UNC80: variants seen among roughly 807,000 people sequenced by gnomAD.
UNC80 encodes the protein unc-80 subunit of NALCN channel complex, also known as protein unc-80 homolog.
A neutral mutation model predicts 384.6 loss-of-function variants in UNC80; 164 were observed. That is an observed-to-expected ratio of 0.43 (90% CI 0.38 to 0.49). The LOEUF (loss-of-function observed/expected upper bound fraction) is 0.49, where lower values mean the gene tolerates loss of function less well. Among genes scored for constraint, UNC80 ranks in the 20% least tolerant of loss-of-function variants. UNC80 has a pLI of 0.00. For missense variants in UNC80, 3,330 were observed against 4,143.0 expected (o/e 0.80, Z 5.39); for synonymous variants, 1,486 against 1,527.8 (o/e 0.97, Z 0.64).
chr2:209,866,713 C>A (rs969184348), intron 22 of UNC80, among the ~76,000 whole-genome samples: 1 of 152,118 alleles, frequency 6.6e-6, no homozygotes, highest in African/African-American at 2.4e-5. Flanking sequence ...TGTAAAAATT[C>A]TATTTAAATT....
chr2:209,939,538 C>T lies in UNC80; in HGVS notation c.6532C>T (p.Pro2178Ser). 3 of 1,551,540 alleles carry T rather than the reference C, an allele frequency of 1.9e-6. No individual in the cohort carries two copies. The highest frequency in any genetic ancestry group is 2.6e-6 in the Non-Finnish European group (3 of 1,146,896). ...LFLISLTQKI[P>S]TAHKQSHVSM... ...TCTCATCTCCCTAACCCAGAAGATC[C>T]CCACAGCCCACAAACAGTCCCACGT... Residue 2178 changes from proline (P) to serine (S), a missense_variant, in exon 43 of 65, where the codon CCC becomes TCC. Pro to Ser is a moderately conservative substitution (Grantham distance 74, BLOSUM62 -1). Transcript: ENST00000673920.
At chr2:209,892,385 G>C (rs1004679827) in intron 26 of UNC80, among the ~76,000 whole-genome samples, 2 of 152,152 alleles carry the variant, frequency 1.3e-5, no homozygotes, top group African/African-American at 4.8e-5. Context: ...CTAAAATTCA[G>C]TGCTGCACAA....
At chr2:209,800,909 T>C (rs1471608723) in intron 7 of UNC80, among the ~76,000 whole-genome samples, 2 of 152,328 alleles carry the variant, frequency 1.3e-5, no homozygotes, top group East Asian at 3.9e-4. Flanking sequence ...TACACTGTGG[T>C]CTGTGAGACT....
At chr2:209,819,362 A>G (rs2079978473) in intron 12 of UNC80, 101 bp downstream of exon 12, 2 of 1,274,252 alleles carry the variant, frequency 1.6e-6, no homozygotes, top group South Asian at 3.3e-5. Flanking sequence ...TCTTAGAAAT[A>G]TCAAACCTTG....
intron 59 of UNC80, 58 bp from the exon 60 acceptor site, chr2:209,982,121 G>A: frequency 2.7e-6 from 4 of 1,507,128 alleles, no homozygotes; most frequent in South Asian, 2.6e-5. Context: ...AGCTTTGGTT[G>A]GGTTTTTCTG....
chr2:209,938,030 A>G (rs961566692), intron 42 of UNC80, among the ~76,000 whole-genome samples: 6 of 151,870 alleles, frequency 4.0e-5, no homozygotes, highest in African/African-American at 1.2e-4. Context: ...TCACTCTAGT[A>G]TGCTTGAAAA....
At chr2:209,911,085 C>T (rs1382489796) in intron 29 of UNC80, among the ~76,000 whole-genome samples, 1 of 152,040 alleles carries the variant, frequency 6.6e-6, no homozygotes, top group Non-Finnish European at 1.5e-5. Context: ...CCTTGGGAAA[C>T]TTACAATCAT....
At chr2:209,801,147 T>C (rs1479523724) in intron 7 of UNC80, among the ~76,000 whole-genome samples, 1 of 152,062 alleles carries the variant, frequency 6.6e-6, no homozygotes, top group East Asian at 1.9e-4. Context: ...AATACTGACA[T>C]TGGGGTGTTA....
intron 16 of UNC80, 41 bp from the exon 17 acceptor site, chr2:209,833,961 G>A: frequency 5.2e-6 from 8 of 1,542,590 alleles, no homozygotes; most frequent in Non-Finnish European, 6.1e-6. Context: ...TAATCACACA[G>A]CTATCTTTCT....
chr2:209,935,151 G>T (rs2091160315), intron 39 of UNC80, among the ~76,000 whole-genome samples: 1 of 152,182 alleles, frequency 6.6e-6, no homozygotes, highest in African/African-American at 2.4e-5. Flanking sequence ...AAACAGGGAT[G>T]TACTACTTGT....
At chr2:209,936,406 G>A (rs375954917) in intron 40 of UNC80, among the ~76,000 whole-genome samples, 259 of 152,288 alleles carry the variant, frequency 1.7e-3, no homozygotes, top group African/African-American at 6.0e-3. Context: ...CACAGTGCAT[G>A]ATAGTTTATA....
chr2:209,900,726 A>G (rs1453573951), intron 28 of UNC80, among the ~76,000 whole-genome samples: 1 of 152,248 alleles, frequency 6.6e-6, no homozygotes, highest in African/African-American at 2.4e-5. Context: ...TTGTACCAAA[A>G]AGCCAAGTTG....
rs2093475733 is a variant in UNC80 at position 209,995,856 on chromosome 2, T to A, written c.*261T>A. 1 of 401,550 alleles carries A rather than the reference T, an allele frequency of 2.5e-6. No homozygotes were observed. The highest frequency in any genetic ancestry group is 4.6e-6 in the Non-Finnish European group (1 of 219,224). The allele number at this position is 401,550 out of a possible 1,614,324, so 24.9% of individuals were successfully genotyped here. On this transcript the variant is annotated 3_prime_UTR_variant, in exon 65 of 65. Coordinates refer to ENST00000673920, the MANE Select transcript of UNC80 (RefSeq NM_001371986.1). ...GGGGAAAGAGCCATTTCACTGCACA[T>A]TGTTTATGATTCAAGAAGCCTTCAG...
Position 209,771,923 on chromosome 2 carries a change from G to T in UNC80, c.-150G>T. On this transcript the variant is annotated 5_prime_UTR_variant, in exon 1 of 65. Coordinates refer to ENST00000673920, the MANE Select transcript of UNC80 (RefSeq NM_001371986.1). ...CACGCGCGGGGAGGGGTGGGGGGAG[G>T]GGAGAGGCACGGGGGATCAGGGCGG... 1.6e-6 allele frequency: 1 copy of T among 641,476 alleles called. No homozygotes were observed. The highest frequency in any genetic ancestry group is 1.7e-5 in the South Asian group (1 of 60,420). The allele number at this position is 641,476 out of a possible 1,614,324, so 39.7% of individuals were successfully genotyped here.
intron 22 of UNC80, among the ~76,000 whole-genome samples, chr2:209,851,017 A>C (rs1487065436): frequency 6.6e-6 from 1 of 152,176 alleles, no homozygotes; most frequent in African/African-American, 2.4e-5. Context: ...TTCATTAGAA[A>C]AGAACAAACA....
At chr2:209,937,428 G>T (rs906846540) in intron 41 of UNC80, 101 bp from the exon 42 acceptor site, 3 of 853,920 alleles carry the variant, frequency 3.5e-6, no homozygotes, top group Non-Finnish European at 1.9e-6. Flanking sequence ...TTTTCTCCTG[G>T]CATAGCATCC....
chr2:209,952,759 G>A (rs2092244103), intron 47 of UNC80, among the ~76,000 whole-genome samples: 1 of 152,126 alleles, frequency 6.6e-6, no homozygotes, highest in African/African-American at 2.4e-5. Context: ...ACCCTTTCTA[G>A]TAAGACAATT....
chr2:209,955,718 T>G (rs2092378189), intron 48 of UNC80, among the ~76,000 whole-genome samples: 1 of 83,680 alleles, frequency 1.2e-5, no homozygotes, highest in African/African-American at 6.2e-5. Context: ...TATATATATA[T>G]ATATATATAT....
intron 60 of UNC80, among the ~76,000 whole-genome samples, chr2:209,984,232 G>A (rs558449354): frequency 5.9e-5 from 9 of 152,204 alleles, no homozygotes; most frequent in Non-Finnish European, 1.3e-4. Context: ...GTCACTAGAG[G>A]ATGGAGAGTA....
Sources: gnomAD v4.1 joint callset for allele counts (sites outside exome capture counted in the v4.1 genomes callset) on GRCh38, gnomAD v4.1.1 for gene constraint, MANE v1.5 for transcripts, NCBI Gene and HGNC (gene_info 2026-07-23, HGNC 2026-07-21) for gene names.